The following MSRA variants were observed in gnomAD, a reference collection of about 807,000 sequenced individuals.
MSRA encodes the protein mitochondrial peptide methionine sulfoxide reductase.
Under a neutral mutation model 31.3 loss-of-function variants are expected in MSRA, and 54 were observed. That is an observed-to-expected ratio of 1.73 (90% CI 1.39 to 2.17). The LOEUF (loss-of-function observed/expected upper bound fraction) is 2.17. MSRA is among the 30% of genes most tolerant of loss of function. The pLI, the probability that MSRA is intolerant of heterozygous loss-of-function variation, is 0.00. For synonymous variants in MSRA, 169 were observed against 116.5 expected, an observed-to-expected ratio of 1.45 and a Z score of -2.90; for missense variants, 507 against 300.9, an observed-to-expected ratio of 1.69 and a Z score of -5.07.
intron 1 of MSRA, among the ~76,000 whole-genome samples, chr8:10,124,337 G>A (rs1311898884): frequency 6.6e-6 from 1 of 152,168 alleles, no homozygotes; most frequent in African/African-American, 2.4e-5. Context: ...GCCTCAAAGG[G>A]CTTTTCCCTA....
intron 5 of MSRA, among the ~76,000 whole-genome samples, chr8:10,334,788 C>T (rs1480034315): frequency 1.3e-5 from 2 of 152,234 alleles, no homozygotes; most frequent in Non-Finnish European, 2.9e-5. Context: ...GATGGTCCCG[C>T]TTTGCACTTA....
intron 3 of MSRA, among the ~76,000 whole-genome samples, chr8:10,245,737 G>C (rs1797590863): frequency 6.6e-6 from 1 of 152,190 alleles, no homozygotes; most frequent in Admixed American, 6.5e-5. Context: ...CATGGTGGTG[G>C]ATGCAGAGAA....
chr8:10,169,361 GCT>G (rs1321488920), intron 1 of MSRA, among the ~76,000 whole-genome samples: 3 of 152,206 alleles, frequency 2.0e-5, no homozygotes, highest in Non-Finnish European at 4.4e-5. Context: ...GTGAGTATGT[GCT>G]CTGATTCTTG....
intron 5 of MSRA, among the ~76,000 whole-genome samples, chr8:10,398,408 A>T (rs1349657921): frequency 6.6e-6 from 1 of 152,236 alleles, no homozygotes; most frequent in African/African-American, 2.4e-5. Flanking sequence ...ACCTTCTCTG[A>T]GGCCAGCAGC....
chr8:10,109,365 G>C (rs1471998775), intron 1 of MSRA, among the ~76,000 whole-genome samples: 1 of 150,384 alleles, frequency 6.6e-6, no homozygotes, highest in Non-Finnish European at 1.5e-5. Context: ...ATTTGGAGAT[G>C]GGGTCTTACT....
chr8:10,190,874 G>A (rs1023331776), intron 1 of MSRA, among the ~76,000 whole-genome samples: 2 of 152,084 alleles, frequency 1.3e-5, no homozygotes, highest in Non-Finnish European at 2.9e-5. Flanking sequence ...TTTTGCCAGG[G>A]ACTTAACTAA....
chr8:10,347,324 C>T (rs772011846), intron 5 of MSRA, among the ~76,000 whole-genome samples: 2 of 152,198 alleles, frequency 1.3e-5, no homozygotes, highest in East Asian at 3.8e-4. Context: ...CCCTGCCTTA[C>T]GGATATCTGC....
intron 5 of MSRA, among the ~76,000 whole-genome samples, chr8:10,419,019 A>C (rs1210860290): frequency 6.6e-6 from 1 of 151,996 alleles, no homozygotes; most frequent in Non-Finnish European, 1.5e-5. Context: ...GGAGGTGAAT[A>C]CATACATACG....
chr8:10,281,936 G>A (rs1280248673), intron 3 of MSRA, among the ~76,000 whole-genome samples: 1 of 152,094 alleles, frequency 6.6e-6, no homozygotes, highest in Non-Finnish European at 1.5e-5. Flanking sequence ...AGAAATACGG[G>A]GCTTACTTTG....
At chr8:10,102,985 A>G (rs1799636646) in intron 1 of MSRA, among the ~76,000 whole-genome samples, 2 of 152,192 alleles carry the variant, frequency 1.3e-5, no homozygotes, top group Non-Finnish European at 2.9e-5. Flanking sequence ...TGATAGTTAC[A>G]TTCTCAAATT....
At chr8:10,383,499 A>G (rs947801820) in intron 5 of MSRA, among the ~76,000 whole-genome samples, 4 of 152,060 alleles carry the variant, frequency 2.6e-5, no homozygotes, top group Non-Finnish European at 4.4e-5. Context: ...GGTTGCTGGA[A>G]CACTTCAGCA....
intron 5 of MSRA, among the ~76,000 whole-genome samples, chr8:10,416,287 G>C (rs1585730717): frequency 6.6e-6 from 1 of 152,240 alleles, no homozygotes; most frequent in African/African-American, 2.4e-5. Flanking sequence ...ATGAAGTGAA[G>C]TTGGAGAGTT....
At chr8:10,354,750 G>GTATATA (rs754778002) in intron 5 of MSRA, among the ~76,000 whole-genome samples, 125 of 138,390 alleles carry the variant, frequency 9.0e-4, no homozygotes, top group South Asian at 4.2e-3. Flanking sequence ...GTGTGTGTGT[G>GTATATA]TATATATATA....
At chr8:10,195,564 A>G (rs1308521191) in intron 1 of MSRA, among the ~76,000 whole-genome samples, 1 of 152,092 alleles carries the variant, frequency 6.6e-6, no homozygotes, top group South Asian at 2.1e-4. Flanking sequence ...CTTTATCACT[A>G]TATTATTTCC....
intron 4 of MSRA, among the ~76,000 whole-genome samples, chr8:10,307,822 C>A (rs1801222823): frequency 6.6e-6 from 1 of 152,174 alleles, no homozygotes; most frequent in East Asian, 1.9e-4. Flanking sequence ...ATTAGGGTTC[C>A]CCCACCTGTG....
chr8:10,108,730 G>T (rs1375481121), intron 1 of MSRA, among the ~76,000 whole-genome samples: 3 of 152,172 alleles, frequency 2.0e-5, no homozygotes, highest in African/African-American at 7.2e-5. Context: ...CAGGTCTCTA[G>T]CACTTATCAG....
intron 1 of MSRA, among the ~76,000 whole-genome samples, chr8:10,120,005 C>T (rs1319400306): frequency 2.6e-5 from 4 of 152,250 alleles, no homozygotes; most frequent in East Asian, 1.9e-4. Context: ...AGGAGAGGGT[C>T]GCCCTGTAGG....
chr8:10,194,615 G>T (rs920985291), intron 1 of MSRA, among the ~76,000 whole-genome samples: 1 of 152,218 alleles, frequency 6.6e-6, no homozygotes, highest in Non-Finnish European at 1.5e-5. Context: ...GCCCAATTTT[G>T]TAGAGGAAAT....
intron 3 of MSRA, among the ~76,000 whole-genome samples, chr8:10,283,160 A>ACACACACACTCTCTCTCTCTCT: frequency 6.9e-4 from 97 of 140,322 alleles, no homozygotes; most frequent in African/African-American, 2.1e-3. Flanking sequence ...ACACACACAC[A>ACACACACACTCTCTCTCTCTCT]CTCTCACCCT....
Sources: gnomAD v4.1 joint callset for allele counts (sites outside exome capture counted in the v4.1 genomes callset) on GRCh38, gnomAD v4.1.1 for gene constraint, MANE v1.5 for transcripts, NCBI Gene and HGNC (gene_info 2026-07-23, HGNC 2026-07-21) for gene names.